Variants in LMF1 observed in about 807,000 individuals in gnomAD.
The protein encoded by LMF1 is transmembrane protein 112.
In LMF1, 68 loss-of-function variants were observed where a neutral mutation model predicts 60.6. That is an observed-to-expected ratio of 1.12 (90% CI 0.92 to 1.37). The LOEUF (loss-of-function observed/expected upper bound fraction) is 1.37, where lower values mean the gene tolerates loss of function less well. LMF1 is among the 40% of genes most tolerant of loss of function. The pLI, the probability that LMF1 is intolerant of heterozygous loss-of-function variation, is 0.00. For synonymous variants in LMF1, 418 were observed against 324.7 expected (o/e 1.29, Z -3.09); for missense variants, 948 against 767.2 (o/e 1.24, Z -2.78).
rs2151754683 is a variant in LMF1 at position 910,997 on chromosome 16, A to G, written c.597T>C (p.His199=). Residue 199 remains histidine, a synonymous_variant, in exon 4 of 11, where the codon CAT becomes CAC. Coordinates refer to ENST00000262301, the MANE Select transcript of LMF1 (RefSeq NM_022773.4). ...PLWTLSRLPQ[H]TPTSRIVLWG... ...ACAGGACAATCCGGGATGTGGGGGTATGCTGGGGCAGCCTTGACAGCGTCC... is the reference window on the plus strand; with the variant it reads ...ACAGGACAATCCGGGATGTGGGGGTGTGCTGGGGCAGCCTTGACAGCGTCC... 1 of 1,613,146 alleles carries G rather than the reference A, an allele frequency of 6.2e-7. No homozygotes were observed. Among genetic ancestry groups the G allele is most frequent in the Non-Finnish European group, 8.5e-7 (1 of 1,179,894 alleles).
intron 4 of LMF1, among the ~76,000 whole-genome samples, chr16:907,308 G>A (rs1200791315): frequency 6.6e-6 from 1 of 152,138 alleles, no homozygotes; most frequent in Admixed American, 6.5e-5. Context: ...GGCTGAGGCA[G>A]GAGAATGGCG....
At chr16:925,225 G>C (rs1254066831) in intron 3 of LMF1, among the ~76,000 whole-genome samples, 1 of 152,198 alleles carries the variant, frequency 6.6e-6, no homozygotes, top group African/African-American at 2.4e-5. Context: ...CAATTAAAAA[G>C]CCACGTTGAA....
upstream of LMF1, among the ~76,000 whole-genome samples, chr16:974,870 G>A (rs1440399937): frequency 6.6e-6 from 1 of 152,218 alleles, no homozygotes; most frequent in Non-Finnish European, 1.5e-5. Flanking sequence ...GAAGATAATC[G>A]TGCACCCTTC....
rs368228092 is a variant in LMF1, at chr16:954,936, G to A, written c.194-270C>T. On this transcript the variant is annotated intron_variant, in intron 1 of 10. Coordinates refer to ENST00000262301, the MANE Select transcript of LMF1 (RefSeq NM_022773.4). ...GACACGTTACATAAAATGCGTGCCC[G>A]CAGCAGACGCGGTGTGTGCATCCAC... Among the ~76,000 whole-genome samples, 18 of 136,058 alleles carry A rather than the reference G, an allele frequency of 1.3e-4. 1 individual carries two copies. The South Asian group carries it at 2.7e-3, about 21-fold the overall frequency. The allele number at this position is 136,058 out of a possible 152,430, so 89.3% of individuals were successfully genotyped here.
intron 3 of LMF1, among the ~76,000 whole-genome samples, chr16:918,163 G>A (rs949123800): frequency 1.1e-4 from 17 of 152,222 alleles, no homozygotes; most frequent in African/African-American, 3.6e-4. Flanking sequence ...TTAACTGCAC[G>A]CTCTCAGTTA....
chr16:891,430 T>A (rs2070485967), intron 5 of LMF1, among the ~76,000 whole-genome samples: 1 of 152,160 alleles, frequency 6.6e-6, no homozygotes. Flanking sequence ...CGCCTCAGCA[T>A]CTCTTGCCAA....
At position 854,094 on chromosome 16, in the gene LMF1, C is replaced by G; in HGVS notation, c.*438G>C. ...GGGACTTGGCTCTGAGGGTCAGGAC[C>G]TGGCTGGGAACACACCATTGAAGAG... On this transcript the variant is annotated 3_prime_UTR_variant, in exon 11 of 11. Coordinates refer to ENST00000262301, the MANE Select transcript of LMF1 (RefSeq NM_022773.4). 2.2e-6 allele frequency: 1 copy of G among 457,950 alleles called. No individual in the cohort carries two copies. The highest frequency in any genetic ancestry group is 4.4e-6 in the Non-Finnish European group (1 of 229,528). The allele number at this position is 457,950 out of a possible 1,614,324, so 28.4% of individuals were successfully genotyped here.
chr16:938,478 G>C (rs188566263), intron 2 of LMF1, among the ~76,000 whole-genome samples: 1 of 152,222 alleles, frequency 6.6e-6, no homozygotes, highest in Non-Finnish European at 1.5e-5. Context: ...ATACCAGTTC[G>C]GCAGTGCCAG....
At chr16:882,227 C>G (rs2070181517) in intron 5 of LMF1, among the ~76,000 whole-genome samples, 1 of 152,204 alleles carries the variant, frequency 6.6e-6, no homozygotes, top group Non-Finnish European at 1.5e-5. Context: ...TGACATGACC[C>G]AATGCTGTGT....
intron 1 of LMF1, among the ~76,000 whole-genome samples, chr16:958,716 G>A (rs887842998): frequency 5.3e-5 from 8 of 152,178 alleles, no homozygotes; most frequent in Middle Eastern, 3.4e-3. Context: ...GTGAAACCCC[G>A]TCTCTACTAA....
At chr16:928,332 A>G (rs150611952) in intron 3 of LMF1, among the ~76,000 whole-genome samples, 2 of 152,334 alleles carry the variant, frequency 1.3e-5, no homozygotes, top group African/African-American at 2.4e-5. Context: ...TTGGCCTTCC[A>G]GAAGATGAGG....
intron 10 of LMF1, among the ~76,000 whole-genome samples, chr16:867,142 G>T (rs923599562): frequency 2.6e-5 from 4 of 152,352 alleles, no homozygotes; most frequent in Middle Eastern, 3.4e-3. Context: ...AGACGGGAGA[G>T]ATGTGCCGTG....
chr16:970,742 C>G, intron 1 of LMF1, 46 bp downstream of exon 1: 1 of 1,474,402 alleles, frequency 6.8e-7, no homozygotes, highest in Non-Finnish European at 9.1e-7. Flanking sequence ...GGTCGTGGTG[C>G]GCGGAGGTGA....
intron 2 of LMF1, among the ~76,000 whole-genome samples, chr16:943,367 T>C (rs953337498): frequency 1.1e-4 from 10 of 89,670 alleles, no homozygotes; most frequent in Non-Finnish European, 1.8e-4. Flanking sequence ...CGAGACTCCA[T>C]CTCAAAAAAA....
rs149921910 is a variant in LMF1 at position 907,782 on chromosome 16, T to C, written c.663+3149A>G. 4.1e-4 allele frequency among the ~76,000 whole-genome samples: 62 copies of C among 152,342 alleles called. No individual in the cohort carries two copies. The East Asian group carries it at 0.012, about 29-fold the overall frequency. On this transcript the variant is annotated intron_variant, in intron 4 of 10. Transcript: ENST00000262301. ...GTCACTTTCTTATCAACTCACCCTC[T>C]GCTTTCCACCAAAGGAACATTAATC... is the stretch of plus-strand genomic sequence containing the variant.
intron 3 of LMF1, among the ~76,000 whole-genome samples, chr16:929,886 G>T (rs1458649741): frequency 6.6e-6 from 1 of 152,144 alleles, no homozygotes; most frequent in Non-Finnish European, 1.5e-5. Context: ...CAGAGCCCAG[G>T]ACAGCAGTGG....
intron 3 of LMF1, among the ~76,000 whole-genome samples, chr16:929,062 A>C (rs1406255782): frequency 6.6e-6 from 1 of 151,974 alleles, no homozygotes; most frequent in Non-Finnish European, 1.5e-5. Flanking sequence ...AGAACCCCTC[A>C]CCACGAGTGT....
intron 10 of LMF1, among the ~76,000 whole-genome samples, chr16:867,417 G>A (rs1402120012): frequency 6.6e-6 from 1 of 152,212 alleles, no homozygotes; most frequent in Non-Finnish European, 1.5e-5. Flanking sequence ...CCAGCTCCAG[G>A]GTCCCCAGGC....
intron 6 of LMF1, 72 bp from the exon 7 acceptor site, chr16:871,413 C>T (rs754571729): frequency 4.7e-6 from 7 of 1,496,918 alleles, no homozygotes; most frequent in Non-Finnish European, 6.4e-6. Context: ...CGCCTCTCTT[C>T]CTGGAGCAGG....
Sources: gnomAD v4.1 joint callset for allele counts (sites outside exome capture counted in the v4.1 genomes callset) on GRCh38, gnomAD v4.1.1 for gene constraint, MANE v1.5 for transcripts, NCBI Gene and HGNC (gene_info 2026-07-23, HGNC 2026-07-21) for gene names.